The following LRP12 variants were observed in gnomAD, a reference collection of about 807,000 sequenced individuals.
LRP12 encodes the protein low-density lipoprotein receptor-related protein 12.
LRP12 carries 14 observed loss-of-function variants against 66.0 expected under a neutral mutation model. The observed-to-expected ratio is 0.21, with a 90% CI of 0.14 to 0.33. The LOEUF is 0.33. LRP12 is among the 10% of genes least tolerant of loss of function. The probability of loss-of-function intolerance (pLI) is 1.00; values close to 1 mark genes in which losing one functional copy is unlikely to be tolerated. For missense variants in LRP12, 889 were observed against 1,053.4 expected (o/e 0.84, Z 2.16); for synonymous variants, 357 against 359.1 (o/e 0.99, Z 0.07).
Position 104,490,070 on chromosome 8 carries a change from A to G in LRP12, c.*603T>C, listed in dbSNP as rs528969664. On this transcript the variant is annotated 3_prime_UTR_variant, in exon 7 of 7. Coordinates refer to ENST00000276654, the MANE Select transcript of LRP12 (RefSeq NM_013437.5). Reference sequence around the variant, plus strand: ...TAAAAGAGTTTTGTTTTTGCCAGTAATTTATCGAACTCTGCCTAAATTTCA... The same window carrying G: ...TAAAAGAGTTTTGTTTTTGCCAGTAGTTTATCGAACTCTGCCTAAATTTCA... 6.5e-6 allele frequency: 1 copy of G among 152,750 alleles called. No homozygotes were observed. Among genetic ancestry groups the G allele is most frequent in the East Asian group, 1.9e-4 (1 of 5,184 alleles). The allele number at this position is 152,750 out of a possible 1,614,324, so 9.5% of individuals were successfully genotyped here.
At chr8:104,547,818 T>A (rs1215734156) in intron 1 of LRP12, among the ~76,000 whole-genome samples, 3 of 127,374 alleles carry the variant, frequency 2.4e-5, no homozygotes, top group Non-Finnish European at 4.7e-5. Context: ...TAATTCTATA[T>A]ACTTTGTATA....
Position 104,497,991 on chromosome 8 carries a change from G to A in LRP12, c.561C>T (p.Asn187=). ...CGGAACTATCTCCACATTCATCCAT[G>A]TTATTACATTTCCAGGCTTCTGGTA... is the stretch of plus-strand genomic sequence containing the variant. The part of the protein sequence containing the change: ...KCIPEAWKCN[N]MDECGDSSDE... Residue 187 remains asparagine (N), a synonymous_variant, in exon 5 of 7, where the codon AAC becomes AAT. Coordinates refer to ENST00000276654, the MANE Select transcript of LRP12 (RefSeq NM_013437.5). This position sits in a 1 kb window ranked among gnomAD's most constrained non-coding sequence, Gnocchi z 4.3. The A allele has an allele frequency of 3.1e-6, 5 of 1,614,138 alleles. No homozygotes were observed. The highest frequency in any genetic ancestry group is 4.2e-6 in the Non-Finnish European group (5 of 1,180,014).
chr8:104,533,775 T>G (rs1401791540), intron 1 of LRP12, among the ~76,000 whole-genome samples: 1 of 152,062 alleles, frequency 6.6e-6, no homozygotes, highest in African/African-American at 2.4e-5. Flanking sequence ...CTTAGCTTCC[T>G]GAGCAGCTGG....
intron 1 of LRP12, among the ~76,000 whole-genome samples, chr8:104,569,035 T>C (rs1175160536): frequency 6.6e-6 from 1 of 152,160 alleles, no homozygotes; most frequent in Non-Finnish European, 1.5e-5. Context: ...GTCTGTCAAC[T>C]AATGAACAGA....
chr8:104,532,372 T>C (rs1444739054), intron 1 of LRP12, among the ~76,000 whole-genome samples: 4 of 149,162 alleles, frequency 2.7e-5, no homozygotes, highest in Admixed American at 1.3e-4. Context: ...ATGTTGGTAC[T>C]TAAAAAAAAA....
At chr8:104,492,251 A>G (rs1279225457) in intron 6 of LRP12, among the ~76,000 whole-genome samples, 1 of 152,206 alleles carries the variant, frequency 6.6e-6, no homozygotes, top group African/African-American at 2.4e-5. Context: ...TTTAGTATTA[A>G]GTATAAATAT....
intron 2 of LRP12, among the ~76,000 whole-genome samples, chr8:104,521,981 G>T (rs1024585486): frequency 1.3e-5 from 2 of 151,902 alleles, no homozygotes; most frequent in Non-Finnish European, 2.9e-5. Context: ...AAAAATAATT[G>T]TAAACTTCTA....
chr8:104,546,663 T>C (rs925364958), intron 1 of LRP12, among the ~76,000 whole-genome samples: 4 of 151,978 alleles, frequency 2.6e-5, no homozygotes, highest in Admixed American at 1.3e-4. Context: ...AAATTGAGTT[T>C]TCACCTAAAA....
chr8:104,542,490 T>A (rs915649832), intron 1 of LRP12, among the ~76,000 whole-genome samples: 1 of 152,158 alleles, frequency 6.6e-6, no homozygotes, highest in African/African-American at 2.4e-5. Context: ...AGCACAAGTG[T>A]TTTTAATTTT....
At chr8:104,567,311 T>A (rs554223378) in intron 1 of LRP12, among the ~76,000 whole-genome samples, 6 of 152,222 alleles carry the variant, frequency 3.9e-5, no homozygotes, top group African/African-American at 1.4e-4. Flanking sequence ...ACTTCTTACA[T>A]GGCAGCAGCA....
At chr8:104,558,808 A>C (rs1811854785) in intron 1 of LRP12, among the ~76,000 whole-genome samples, 1 of 152,212 alleles carries the variant, frequency 6.6e-6, no homozygotes, top group African/African-American at 2.4e-5. Context: ...ACATGAATAA[A>C]CAATTCTTTA....
At chr8:104,536,684 T>C (rs1164452194) in intron 1 of LRP12, among the ~76,000 whole-genome samples, 1 of 151,696 alleles carries the variant, frequency 6.6e-6, no homozygotes, top group African/African-American at 2.4e-5. Context: ...CTACTAAAAA[T>C]AGGGATGAGG....
chr8:104,568,383 A>C (rs1178279525), intron 1 of LRP12, among the ~76,000 whole-genome samples: 1 of 152,180 alleles, frequency 6.6e-6, no homozygotes, highest in African/African-American at 2.4e-5. Context: ...GGATTCTTAG[A>C]TATAATATCA....
intron 2 of LRP12, among the ~76,000 whole-genome samples, chr8:104,511,030 CTTTTTTTTTTTTT>C (rs11350393): frequency 2.1e-3 from 112 of 54,378 alleles, no homozygotes; most frequent in Non-Finnish European, 2.7e-3. Context: ...GGAAAAATGA[CTTTTTTTTTTTTT>C]TTTTTTTTTT....
At chr8:104,518,227 A>T (rs1248057263) in intron 2 of LRP12, among the ~76,000 whole-genome samples, 2 of 152,146 alleles carry the variant, frequency 1.3e-5, no homozygotes, top group African/African-American at 4.8e-5. Context: ...TGATAATGTT[A>T]TAAAATTACC....
At chr8:104,564,402 T>A (rs1811961590) in intron 1 of LRP12, among the ~76,000 whole-genome samples, 1 of 152,146 alleles carries the variant, frequency 6.6e-6, no homozygotes, top group Admixed American at 6.5e-5. Flanking sequence ...AGCAAGGATC[T>A]AGAGGTCATA....
chr8:104,554,138 G>A lies in LRP12; in HGVS notation c.80-22175C>T, dbSNP rs148387482. The stretch of plus-strand genomic sequence containing the variant: ...ACTCTGAGCAGCAGCCCTTGAGCCC[G>A]AGATCTTCCCTCTGACATAGTCTAT... On this transcript the variant is annotated intron_variant, in intron 1 of 6. Coordinates refer to ENST00000276654, the MANE Select transcript of LRP12 (RefSeq NM_013437.5). Among the ~76,000 whole-genome samples, 907 of 152,226 alleles carry A rather than the reference G, an allele frequency of 6.0e-3. 12 individuals carry two copies. The highest frequency in any genetic ancestry group is 0.02 in the African/African-American group (848 of 41,538).
chr8:104,505,399 CT>C (rs57277820), intron 3 of LRP12: 3,615 of 103,384 alleles, frequency 0.035, 78 homozygotes, highest in African/African-American at 0.11. Flanking sequence ...TCCTTCTTTC[CT>C]TTTTTTTTTT....
intron 1 of LRP12, among the ~76,000 whole-genome samples, chr8:104,579,664 A>C (rs1812215696): frequency 6.6e-6 from 1 of 152,186 alleles, no homozygotes. Flanking sequence ...AAATCATGCT[A>C]CCCAACTTCA....
Sources: allele counts gnomAD v4.1 joint callset (sites outside exome capture counted in the v4.1 genomes callset), GRCh38; gene constraint gnomAD v4.1.1; non-coding constraint Gnocchi (gnomAD v3.1); transcripts MANE v1.5; gene names NCBI Gene and HGNC (gene_info 2026-07-23, HGNC 2026-07-21).